Variants in C9orf85 observed in about 807,000 individuals in gnomAD.
C9orf85 encodes chromosome 9 open reading frame 85.
C9orf85 carries 16 observed loss-of-function variants against 14.9 expected under a neutral mutation model. That is an observed-to-expected ratio of 1.08 (90% CI 0.73 to 1.63). The LOEUF (loss-of-function observed/expected upper bound fraction) is 1.63. Among genes scored for constraint, C9orf85 ranks in the 40% most tolerant of loss-of-function variants. C9orf85 has a pLI of 0.00. For synonymous variants in C9orf85, 45 were observed against 56.8 expected (o/e 0.79, Z 0.93); for missense variants, 172 against 186.1 (o/e 0.92, Z 0.44).
intron 2 of C9orf85, among the ~76,000 whole-genome samples, chr9:71,967,351 C>T (rs1782482583): frequency 1.3e-5 from 2 of 152,110 alleles, no homozygotes; most frequent in South Asian, 4.1e-4. Context: ...GGGTCTGTTT[C>T]TGGTCTTTAT....
At chr9:71,980,261 A>T (rs541822815) in intron 3 of C9orf85, among the ~76,000 whole-genome samples, 4 of 152,254 alleles carry the variant, frequency 2.6e-5, no homozygotes, top group South Asian at 4.1e-4. Context: ...TGATCCACCC[A>T]TCTCAGCCTT....
intron 1 of C9orf85, among the ~76,000 whole-genome samples, chr9:71,920,039 C>T (rs377544050): frequency 1.8e-4 from 28 of 152,064 alleles, no homozygotes; most frequent in Admixed American, 7.9e-4. Flanking sequence ...TTAGTAGAGA[C>T]GGGGTTTCAC....
rs182755635 is a variant in C9orf85, at chr9:71,928,154, T to C, written c.102+16318T>C. ...GTGAATCAAGATTCTGCCACTGTAC[T>C]CCAGCCTGGGCAACAGAATGAGGCT... On this transcript the variant is annotated intron_variant, in intron 1 of 3. Transcript: ENST00000334731. Among the ~76,000 whole-genome samples, 3 of 123,140 alleles carry C rather than the reference T, an allele frequency of 2.4e-5. No homozygotes were observed. In the East Asian group the frequency reaches 7.4e-4, roughly 31 times the overall value. 80.8% of individuals were successfully genotyped at this position (123,140 alleles called of 152,430 possible).
At chr9:71,933,759 C>T (rs1471775070) in intron 1 of C9orf85, among the ~76,000 whole-genome samples, 1 of 152,178 alleles carries the variant, frequency 6.6e-6, no homozygotes, top group African/African-American at 2.4e-5. Flanking sequence ...GGCGCATAGA[C>T]CTCAGATAAG....
chr9:71,970,929 A>AT (rs1822844974), intron 2 of C9orf85, among the ~76,000 whole-genome samples: 1 of 149,214 alleles, frequency 6.7e-6, no homozygotes, highest in Admixed American at 6.7e-5. Context: ...AAATTTGTGT[A>AT]TTTTTAGTAG....
At chr9:71,985,523 CTG>C (rs1184785158), downstream of C9orf85, 4 of 152,244 alleles carry the variant, frequency 2.6e-5, no homozygotes, top group East Asian at 1.9e-4. Flanking sequence ...GCCCAGCAAT[CTG>C]TGTTTGAAAC....
At chr9:71,914,027 G>A (rs549155622) in intron 1 of C9orf85, among the ~76,000 whole-genome samples, 1 of 152,294 alleles carries the variant, frequency 6.6e-6, no homozygotes, top group South Asian at 2.1e-4. Context: ...TCGGTTGATT[G>A]TTCATCTGTG....
At chr9:71,938,582 C>T (rs183934547) in intron 1 of C9orf85, among the ~76,000 whole-genome samples, 32 of 151,928 alleles carry the variant, frequency 2.1e-4, no homozygotes, top group African/African-American at 7.5e-4. Context: ...TTATTCTTAT[C>T]CATACATGTA....
At chr9:71,982,462 C>A (rs961622492) in intron 3 of C9orf85, among the ~76,000 whole-genome samples, 1 of 151,972 alleles carries the variant, frequency 6.6e-6, no homozygotes, top group African/African-American at 2.4e-5. Flanking sequence ...TTTTAAGGAA[C>A]CACCAAACTT....
chr9:71,978,130 G>A (rs1252581548), downstream of C9orf85, among the ~76,000 whole-genome samples: 2 of 151,998 alleles, frequency 1.3e-5, no homozygotes, highest in East Asian at 3.9e-4. Flanking sequence ...AATTTTTTGA[G>A]ACGGAGTCTC....
intron 1 of C9orf85, among the ~76,000 whole-genome samples, chr9:71,927,183 T>C (rs984736116): frequency 6.6e-6 from 1 of 151,276 alleles, no homozygotes; most frequent in African/African-American, 2.4e-5. Flanking sequence ...TAAAGGAGTA[T>C]TTTGAATTTA....
chr9:71,958,335 T>C (rs1326711879), intron 2 of C9orf85, among the ~76,000 whole-genome samples: 2 of 150,870 alleles, frequency 1.3e-5, no homozygotes, highest in Non-Finnish European at 2.9e-5. Context: ...TGATCTCTGC[T>C]CACCGCAACC....
intron 1 of C9orf85, among the ~76,000 whole-genome samples, chr9:71,913,746 C>T (rs2132237678): frequency 6.8e-6 from 1 of 148,106 alleles, no homozygotes; most frequent in Non-Finnish European, 1.5e-5. Context: ...GAGTATTTAA[C>T]TATAGTGTAG....
At chr9:71,915,451 A>G (rs1489332766) in intron 1 of C9orf85, among the ~76,000 whole-genome samples, 1 of 152,126 alleles carries the variant, frequency 6.6e-6, no homozygotes, top group Non-Finnish European at 1.5e-5. Flanking sequence ...TGCTGGGATT[A>G]CAGGTGTGAG....
downstream of C9orf85, among the ~76,000 whole-genome samples, chr9:71,978,298 C>G (rs1335378597): frequency 1.3e-5 from 2 of 152,040 alleles, no homozygotes; most frequent in Non-Finnish European, 2.9e-5. Context: ...TTTATGGAGA[C>G]AGCGTTTTGC....
At chr9:71,982,961 A>T (rs778548887) in exon 4 of C9orf85, 7 of 167,892 alleles carry the variant, frequency 4.2e-5, no homozygotes, top group Non-Finnish European at 8.9e-5. Context: ...ATGACTCATG[A>T]TGTTGACTGA....
chr9:71,935,742 A>G (rs909342633), intron 1 of C9orf85, among the ~76,000 whole-genome samples: 1 of 152,172 alleles, frequency 6.6e-6, no homozygotes, highest in African/African-American at 2.4e-5. Flanking sequence ...GCTAGGAGGA[A>G]GGGACAATGA....
intron 1 of C9orf85, among the ~76,000 whole-genome samples, chr9:71,922,878 C>T (rs1170875521): frequency 6.6e-6 from 1 of 152,196 alleles, no homozygotes; most frequent in Non-Finnish European, 1.5e-5. Flanking sequence ...GCCTGTAATC[C>T]CAGCACTTTG....
intron 1 of C9orf85, among the ~76,000 whole-genome samples, chr9:71,922,589 G>A (rs542674816): frequency 9.3e-4 from 142 of 152,174 alleles, no homozygotes; most frequent in African/African-American, 3.3e-3. Context: ...AAAAACTGTA[G>A]CTCCTCGGAA....
Sources: allele counts gnomAD v4.1 joint callset (sites outside exome capture counted in the v4.1 genomes callset), GRCh38; gene constraint gnomAD v4.1.1; transcripts MANE v1.5; gene names NCBI Gene and HGNC (gene_info 2026-07-23, HGNC 2026-07-21).